Variants in DCLK1 observed in about 807,000 individuals in gnomAD.
DCLK1 encodes serine/threonine-protein kinase DCLK1.
Under a neutral mutation model 86.2 loss-of-function variants are expected in DCLK1, and 16 were observed. The ratio of observed to expected loss-of-function variants is 0.19; its 90% confidence interval spans 0.13 to 0.28. DCLK1 has a LOEUF of 0.28. Ranked by LOEUF, DCLK1 falls within the 10% of genes least tolerant of loss-of-function variation. DCLK1 has a pLI of 1.00. For missense variants in DCLK1, 590 were observed against 940.2 expected (o/e 0.63, Z 4.87); for synonymous variants, 369 against 370.5 (o/e 1.00, Z 0.05).
intron 5 of DCLK1, chr13:35,855,485 G>A (rs1870980523): frequency 1.3e-6 from 2 of 1,594,098 alleles, no homozygotes; most frequent in Non-Finnish European, 1.7e-6. Flanking sequence ...TTCCACAAGG[G>A]AGAGCAGCAA....
At chr13:35,884,027 A>T (rs191863978) in intron 4 of DCLK1, among the ~76,000 whole-genome samples, 1 of 152,290 alleles carries the variant, frequency 6.6e-6, no homozygotes, top group East Asian at 1.9e-4. Context: ...CTACTATATT[A>T]GACTCATTGG....
intron 3 of DCLK1, among the ~76,000 whole-genome samples, chr13:35,976,823 C>T (rs77075148): frequency 1.3e-5 from 2 of 151,920 alleles, no homozygotes; most frequent in African/African-American, 2.4e-5. Context: ...CGTGAGCCAC[C>T]GCGCCCGGCC....
Position 35,848,045 on chromosome 13 carries a change from T to C in DCLK1, c.1035+6454A>G, listed in dbSNP as rs571725897. Reference sequence around the variant, plus strand: ...GGGAAATATTCCTAATATCTTTTTCTACAATGTCTACATCTAAGAAAAAAG... The same window carrying C: ...GGGAAATATTCCTAATATCTTTTTCCACAATGTCTACATCTAAGAAAAAAG... On this transcript the variant is annotated intron_variant, in intron 6 of 16. Transcript: ENST00000360631. 7.7e-4 allele frequency: 754 copies of C among 985,338 alleles called. 1 individual carries two copies. The highest frequency in any genetic ancestry group is 4.2e-3 in the Middle Eastern group (8 of 1,914). The allele number at this position is 985,338 out of a possible 1,614,324, so 61.0% of individuals were successfully genotyped here.
intron 4 of DCLK1, among the ~76,000 whole-genome samples, chr13:35,895,761 A>G (rs1424357574): frequency 6.6e-6 from 1 of 152,064 alleles, no homozygotes; most frequent in Non-Finnish European, 1.5e-5. Flanking sequence ...AAACAAAACA[A>G]AACAGTAATT....
rs1395733186 is a variant in DCLK1 at position 36,038,853 on chromosome 13, C to T, written c.723+73016G>A. On this transcript the variant is annotated intron_variant, in intron 3 of 16. Coordinates refer to ENST00000360631, the MANE Select transcript of DCLK1 (RefSeq NM_001330071.2). ...TAAAGTTAAGAATGTGTTCAAATAT[C>T]TAGGAGGTAGCAGATTCAAGACTTG... is the stretch of plus-strand genomic sequence containing the variant. 3.9e-5 allele frequency among the ~76,000 whole-genome samples: 6 copies of T among 152,240 alleles called. No homozygotes were observed. The East Asian group carries it at 1.2e-3, about 29-fold the overall frequency.
chr13:35,966,197 T>C (rs1219351325), intron 3 of DCLK1, among the ~76,000 whole-genome samples: 1 of 152,154 alleles, frequency 6.6e-6, no homozygotes, highest in Non-Finnish European at 1.5e-5. Flanking sequence ...GAATAAAAAA[T>C]GATGCAGCCA....
At chr13:36,053,739 T>G (rs2153157675) in intron 3 of DCLK1, among the ~76,000 whole-genome samples, 1 of 152,150 alleles carries the variant, frequency 6.6e-6, no homozygotes, top group Middle Eastern at 3.4e-3. Flanking sequence ...CTATTTCAGA[T>G]AAGAGGAACA....
chr13:35,861,297 T>C (rs1415974278), intron 5 of DCLK1, among the ~76,000 whole-genome samples: 1 of 152,044 alleles, frequency 6.6e-6, no homozygotes, highest in East Asian at 1.9e-4. Flanking sequence ...GATGTAAAAT[T>C]AGGAAATTTT....
intron 3 of DCLK1, among the ~76,000 whole-genome samples, chr13:36,092,677 A>G (rs542079609): frequency 2.3e-4 from 35 of 151,726 alleles, no homozygotes; most frequent in South Asian, 4.2e-4. Context: ...TAGTAGAGAC[A>G]GGGTTTCACC....
intron 4 of DCLK1, among the ~76,000 whole-genome samples, chr13:35,938,290 A>G (rs1250639670): frequency 6.6e-6 from 1 of 152,120 alleles, no homozygotes; most frequent in African/African-American, 2.4e-5. Context: ...TAGGAGGACT[A>G]TGTGCAAGCT....
chr13:35,864,867 G>T lies in DCLK1; in HGVS notation c.940+6357C>A, dbSNP rs563779172. On this transcript the variant is annotated intron_variant, in intron 5 of 16. Coordinates refer to ENST00000360631, the MANE Select transcript of DCLK1 (RefSeq NM_001330071.2). ...AGGTCTTGGTATGTTGCCTAGGTTGGTCTCAAACTCCTGAGCTCAACCAGT... is the reference window on the plus strand; with the variant it reads ...AGGTCTTGGTATGTTGCCTAGGTTGTTCTCAAACTCCTGAGCTCAACCAGT... Among the ~76,000 whole-genome samples the T allele has an allele frequency of 3.9e-5, 6 of 152,038 alleles. No homozygotes were observed. The South Asian group carries it at 1.3e-3, about 32-fold the overall frequency.
At chr13:35,978,265 G>A (rs996868208) in intron 3 of DCLK1, among the ~76,000 whole-genome samples, 4 of 127,000 alleles carry the variant, frequency 3.1e-5, no homozygotes, top group Admixed American at 9.5e-5. Flanking sequence ...GAGTGCAGTA[G>A]TACGATCTCG....
At chr13:36,079,987 C>T (rs1247003610) in intron 3 of DCLK1, among the ~76,000 whole-genome samples, 1 of 152,188 alleles carries the variant, frequency 6.6e-6, no homozygotes, top group Non-Finnish European at 1.5e-5. Flanking sequence ...TGGGCAGTGG[C>T]CTTTGATCAG....
intron 3 of DCLK1, among the ~76,000 whole-genome samples, chr13:36,092,341 T>A (rs972489422): frequency 6.6e-6 from 1 of 152,170 alleles, no homozygotes; most frequent in Admixed American, 6.5e-5. Context: ...ATCATGCATA[T>A]GAAGTGCTTA....
Position 35,772,879 on chromosome 13 carries a change from A to C in DCLK1, c.*1656T>G, listed in dbSNP as rs1273291890. 1 of 152,204 alleles carries C rather than the reference A, an allele frequency of 6.6e-6. No individual in the cohort carries two copies. Among genetic ancestry groups the C allele is most frequent in the Non-Finnish European group, 1.5e-5 (1 of 68,046 alleles). 9.4% of individuals were successfully genotyped at this position (152,204 alleles called of 1,614,324 possible). On this transcript the variant is annotated 3_prime_UTR_variant, in exon 17 of 17. Coordinates refer to ENST00000360631, the MANE Select transcript of DCLK1 (RefSeq NM_001330071.2). ...GCAAGTGAAGATCAATGTGCATTTG[A>C]AAATAAAGGACTATAGAAACGTTGT... is the stretch of plus-strand genomic sequence containing the variant.
chr13:35,885,921 C>T (rs919753207), intron 4 of DCLK1, among the ~76,000 whole-genome samples: 4 of 151,780 alleles, frequency 2.6e-5, no homozygotes, highest in Non-Finnish European at 5.9e-5. Context: ...AATAATAGTA[C>T]TGCCTAGAGG....
chr13:35,805,550 C>T (rs927802392), intron 15 of DCLK1, 149 bp downstream of exon 15: 5 of 694,952 alleles, frequency 7.2e-6, no homozygotes, highest in South Asian at 4.5e-5. Flanking sequence ...CCACCCACCT[C>T]GGCCTCCCAA....
chr13:35,900,000 C>T (rs9545656), intron 4 of DCLK1, among the ~76,000 whole-genome samples: 21,842 of 152,036 alleles, frequency 0.14, 2,028 homozygotes, highest in South Asian at 0.25. Flanking sequence ...ATCATACCTA[C>T]CTTATTAAAT....
At chr13:35,801,814 A>T (rs563510770) in intron 15 of DCLK1, among the ~76,000 whole-genome samples, 3 of 152,306 alleles carry the variant, frequency 2.0e-5, no homozygotes, top group Admixed American at 6.5e-5. Context: ...GAGTTGGGAT[A>T]TTATTAATAT....
Sources: allele counts gnomAD v4.1 joint callset (sites outside exome capture counted in the v4.1 genomes callset), GRCh38; gene constraint gnomAD v4.1.1; transcripts MANE v1.5; gene names NCBI Gene and HGNC (gene_info 2026-07-23, HGNC 2026-07-21).